The following NEGR1 variants were observed in gnomAD, a reference collection of about 807,000 sequenced individuals.
NEGR1 encodes the protein neuronal growth regulator 1, also known as IgLON family member 4.
Under a neutral mutation model 40.9 loss-of-function variants are expected in NEGR1, and 10 were observed. The ratio of observed to expected loss-of-function variants is 0.24; its 90% confidence interval spans 0.15 to 0.42. The LOEUF (loss-of-function observed/expected upper bound fraction) is 0.42, where lower values mean the gene tolerates loss of function less well. Among genes scored for constraint, NEGR1 ranks in the 10% least tolerant of loss-of-function variants. The pLI is 1.00. For missense variants in NEGR1, 352 were observed against 438.9 expected, an observed-to-expected ratio of 0.80 and a Z score of 1.77; for synonymous variants, 185 against 166.8, an observed-to-expected ratio of 1.11 and a Z score of -0.84.
intron 2 of NEGR1, among the ~76,000 whole-genome samples, chr1:71,849,430 G>T (rs572514328): frequency 6.6e-6 from 1 of 152,266 alleles, no homozygotes; most frequent in South Asian, 2.1e-4. Flanking sequence ...AAACTTGAAA[G>T]ATGAGTTTAC....
intron 1 of NEGR1, among the ~76,000 whole-genome samples, chr1:71,955,455 A>T (rs1311690373): frequency 6.6e-6 from 1 of 152,108 alleles, no homozygotes; most frequent in African/African-American, 2.4e-5. Context: ...GACAGACTGC[A>T]AACTCCCCGA....
At chr1:72,241,974 C>T (rs1654759829) in intron 1 of NEGR1, among the ~76,000 whole-genome samples, 1 of 151,622 alleles carries the variant, frequency 6.6e-6, no homozygotes, top group African/African-American at 2.4e-5. Flanking sequence ...TTACCATACC[C>T]TACAGTTTGA....
intron 4 of NEGR1, among the ~76,000 whole-genome samples, chr1:71,695,963 C>G (rs906465494): frequency 6.6e-6 from 1 of 151,722 alleles, no homozygotes. Flanking sequence ...ACAGTTGTCA[C>G]CTAGCCCTCA....
intron 1 of NEGR1, among the ~76,000 whole-genome samples, chr1:72,136,089 A>G (rs947155417): frequency 6.6e-6 from 1 of 152,214 alleles, no homozygotes; most frequent in African/African-American, 2.4e-5. Context: ...AACAACATAA[A>G]ATTCACACTG....
intron 6 of NEGR1, among the ~76,000 whole-genome samples, chr1:71,428,576 G>C (rs1318837667): frequency 2.6e-5 from 4 of 151,362 alleles, no homozygotes; most frequent in African/African-American, 7.3e-5. Flanking sequence ...CAGAATAGTT[G>C]ATTCTTATAT....
chr1:71,847,115 A>G (rs1028722519), intron 2 of NEGR1, among the ~76,000 whole-genome samples: 1 of 152,222 alleles, frequency 6.6e-6, no homozygotes, highest in East Asian at 1.9e-4. Flanking sequence ...ATTTGACTCA[A>G]GTTGGCTTTG....
intron 3 of NEGR1, among the ~76,000 whole-genome samples, chr1:71,744,475 T>C (rs1655320359): frequency 6.6e-6 from 1 of 151,960 alleles, no homozygotes; most frequent in African/African-American, 2.4e-5. Context: ...TCCATATATC[T>C]TTGAGGGATC....
Position 71,934,091 on chromosome 1 carries a change from C to A in NEGR1, c.409+988G>T, listed in dbSNP as rs571096264. ...GAATAAAACATGCATGCTCTGGCAC[C>A]ACATTATCACATAATTTGTTATTAA... On this transcript the variant is annotated intron_variant, in intron 2 of 6. Coordinates refer to ENST00000357731, the MANE Select transcript of NEGR1 (RefSeq NM_173808.3). Among the ~76,000 whole-genome samples, 7 of 152,140 alleles carry A rather than the reference C, an allele frequency of 4.6e-5. No individual in the cohort carries two copies. In the South Asian group the frequency reaches 1.2e-3, roughly 27 times the overall value.
chr1:71,941,418 G>A (rs1424928385), intron 1 of NEGR1, among the ~76,000 whole-genome samples: 1 of 152,048 alleles, frequency 6.6e-6, no homozygotes, highest in African/African-American at 2.4e-5. Flanking sequence ...TACATAAATT[G>A]TATGGTTATA....
chr1:71,416,637 C>A (rs904892236), intron 6 of NEGR1, among the ~76,000 whole-genome samples: 1 of 152,046 alleles, frequency 6.6e-6, no homozygotes, highest in Non-Finnish European at 1.5e-5. Flanking sequence ...TTTTTAAATC[C>A]TTAATAAAAT....
At chr1:72,126,088 AG>A (rs1650004135) in intron 1 of NEGR1, among the ~76,000 whole-genome samples, 1 of 129,324 alleles carries the variant, frequency 7.7e-6, no homozygotes, top group African/African-American at 3.1e-5. Flanking sequence ...ATTAGAGAAA[AG>A]TATGTGTGTG....
intron 4 of NEGR1, among the ~76,000 whole-genome samples, chr1:71,628,592 G>A (rs922741853): frequency 2.6e-5 from 4 of 151,330 alleles, no homozygotes; most frequent in African/African-American, 4.9e-5. Flanking sequence ...AGGCCCCGTC[G>A]TGTGATATTC....
intron 1 of NEGR1, among the ~76,000 whole-genome samples, chr1:72,016,958 C>T (rs1646716064): frequency 6.6e-6 from 1 of 152,086 alleles, no homozygotes; most frequent in Non-Finnish European, 1.5e-5. Flanking sequence ...GAATTTATTG[C>T]ATTTGGTTTT....
In NEGR1 at chr1:72,228,524, T is replaced by G. The variant is rs139661926; in HGVS notation, c.176+53795A>C. ...AGGCCCAATAACTGAATGAGTCAAT[T>G]TCCTCATAATAAATCTCTTCACATA... On this transcript the variant is annotated intron_variant, in intron 1 of 6. Transcript: ENST00000357731. Among the ~76,000 whole-genome samples, 913 of 152,266 alleles carry G rather than the reference T, an allele frequency of 6.0e-3. 11 individuals are homozygous for G. The highest frequency in any genetic ancestry group is 0.021 in the African/African-American group (883 of 41,566).
chr1:72,274,070 A>T (rs1248514231), intron 1 of NEGR1, among the ~76,000 whole-genome samples: 2 of 151,512 alleles, frequency 1.3e-5, no homozygotes, highest in African/African-American at 4.9e-5. Context: ...ATTTTGAGAC[A>T]GAAGTAGAGG....
intron 4 of NEGR1, among the ~76,000 whole-genome samples, chr1:71,679,369 C>A (rs567938128): frequency 6.4e-4 from 97 of 152,068 alleles, no homozygotes; most frequent in Non-Finnish European, 1.3e-4. Context: ...CTTTTCATAT[C>A]AAAAATATAG....
At chr1:71,998,648 C>A (rs1014127682) in intron 1 of NEGR1, among the ~76,000 whole-genome samples, 1 of 151,734 alleles carries the variant, frequency 6.6e-6, no homozygotes. Flanking sequence ...GAAGTCATAA[C>A]CTCCACATTT....
intron 1 of NEGR1, among the ~76,000 whole-genome samples, chr1:72,250,908 G>A (rs1655064717): frequency 6.6e-6 from 1 of 152,136 alleles, no homozygotes; most frequent in Non-Finnish European, 1.5e-5. Context: ...TTATGGAGAT[G>A]GCATTATTTT....
intron 1 of NEGR1, among the ~76,000 whole-genome samples, chr1:72,271,660 A>C (rs1655847318): frequency 6.6e-6 from 1 of 151,920 alleles, no homozygotes; most frequent in Non-Finnish European, 1.5e-5. Context: ...TACAGTGTAT[A>C]TCACTTCATC....
Sources: allele counts gnomAD v4.1 joint callset (sites outside exome capture counted in the v4.1 genomes callset), GRCh38; gene constraint gnomAD v4.1.1; transcripts MANE v1.5; gene names NCBI Gene and HGNC (gene_info 2026-07-23, HGNC 2026-07-21).